Variants in PDE4D observed in about 807,000 individuals in gnomAD.
The protein encoded by PDE4D is phosphodiesterase 4D.
PDE4D carries 24 observed loss-of-function variants against 87.4 expected under a neutral mutation model. The observed-to-expected ratio is 0.27, with a 90% CI of 0.20 to 0.39. PDE4D has a LOEUF of 0.39. PDE4D is among the 10% of genes least tolerant of loss of function. The pLI is 1.00. For synonymous variants in PDE4D, 384 were observed against 383.2 expected, an observed-to-expected ratio of 1.00 and a Z score of -0.02; for missense variants, 714 against 1,041.0, an observed-to-expected ratio of 0.69 and a Z score of 4.32.
intron 1 of PDE4D, among the ~76,000 whole-genome samples, chr5:59,464,983 T>C (rs1801360893): frequency 6.6e-6 from 1 of 152,226 alleles, no homozygotes. Flanking sequence ...ATTTCGAGGA[T>C]TAAGAGCGGT....
rs572487918 is a variant in PDE4D at position 59,132,803 on chromosome 5, A to G, written c.808+47792T>C. 1.4e-4 allele frequency among the ~76,000 whole-genome samples: 21 copies of G among 152,340 alleles called. No individual in the cohort carries two copies. In the South Asian group the frequency reaches 4.4e-3, roughly 32 times the overall value. On this transcript the variant is annotated intron_variant, in intron 5 of 14. Coordinates refer to ENST00000340635, the MANE Select transcript of PDE4D (RefSeq NM_001104631.2). ...TAACCTGATGTCAACAAGATATACTAGAAATGTCCTTGTCAGTCCAAACCC... is the reference window on the plus strand; with the variant it reads ...TAACCTGATGTCAACAAGATATACTGGAAATGTCCTTGTCAGTCCAAACCC...
At chr5:60,024,746 G>C (rs1766443008) in intron 2 of PDE4D, among the ~76,000 whole-genome samples, 1 of 152,094 alleles carries the variant, frequency 6.6e-6, no homozygotes, top group African/African-American at 2.4e-5. Flanking sequence ...GCCTTATTTA[G>C]CTGTTCAGTG....
At chr5:59,444,710 G>A (rs1798105355) in intron 1 of PDE4D, among the ~76,000 whole-genome samples, 1 of 152,090 alleles carries the variant, frequency 6.6e-6, no homozygotes, top group South Asian at 2.1e-4. Flanking sequence ...TACTCCGGAG[G>A]CTGAGGCAGG....
chr5:60,449,059 C>T (rs114898170), intron 1 of PDE4D, among the ~76,000 whole-genome samples: 4,018 of 140,626 alleles, frequency 0.029, 90 homozygotes, highest in Middle Eastern at 0.09. Flanking sequence ...ACCCACCCCC[C>T]CAACTGCCCG....
In PDE4D at chr5:59,006,475, G is replaced by A. The variant is rs142563356; in HGVS notation, c.922-13010C>T. On this transcript the variant is annotated intron_variant, in intron 6 of 14. Transcript: ENST00000340635. ...CAGATACTACTGAGGTGGGAGGTGG[G>A]AGGTGCTGAGGTGGGAGGATGGCTT... is the stretch of plus-strand genomic sequence containing the variant. 1.5e-3 allele frequency among the ~76,000 whole-genome samples: 232 copies of A among 152,200 alleles called. 1 individual carries two copies. Among genetic ancestry groups the A allele is most frequent in the African/African-American group, 5.3e-3 (222 of 41,536 alleles).
At chr5:59,574,020 A>ATATAAATATATATTTATATATATT (rs1822372026) in intron 1 of PDE4D, among the ~76,000 whole-genome samples, 1 of 111,442 alleles carries the variant, frequency 9.0e-6, no homozygotes, top group African/African-American at 3.7e-5. Flanking sequence ...ATATATATAT[A>ATATAAATATATATTTATATATATT]TATATATAAA....
intron 1 of PDE4D, among the ~76,000 whole-genome samples, chr5:59,353,558 C>T (rs1780869118): frequency 6.6e-6 from 1 of 152,242 alleles, no homozygotes; most frequent in African/African-American, 2.4e-5. Flanking sequence ...AATTAGTACT[C>T]ATCTTTGTAA....
intron 2 of PDE4D, among the ~76,000 whole-genome samples, chr5:60,090,776 A>C (rs1487119024): frequency 6.6e-6 from 1 of 152,178 alleles, no homozygotes; most frequent in African/African-American, 2.4e-5. Context: ...ATTTAGGAAA[A>C]CCTAAAGACT....
rs375106877 is a variant in PDE4D, at chr5:59,857,077, C to A, written c.455+36091G>T. Among the ~76,000 whole-genome samples the A allele has an allele frequency of 2.0e-5, 3 of 152,226 alleles. No individual in the cohort carries two copies. In the East Asian group the frequency reaches 5.8e-4, roughly 29 times the overall value. ...CATCTGCCAGCTTCTAAATCTTATT[C>A]CCGAATTTAGATTCATGAAATGCCC... On this transcript the variant is annotated intron_variant, in intron 1 of 14. Transcript: ENST00000340635.
chr5:59,830,882 A>G (rs961523802), intron 1 of PDE4D, among the ~76,000 whole-genome samples: 3 of 152,076 alleles, frequency 2.0e-5, no homozygotes, highest in African/African-American at 4.8e-5. Flanking sequence ...TAATCCTTCA[A>G]AATAAAATTG....
At chr5:60,242,403 T>A (rs1232683711) in intron 1 of PDE4D, among the ~76,000 whole-genome samples, 1 of 152,092 alleles carries the variant, frequency 6.6e-6, no homozygotes, top group Non-Finnish European at 1.5e-5. Flanking sequence ...ACTTTCGTCA[T>A]AGGACAGATC....
At chr5:59,705,643 T>C (rs548863507) in intron 1 of PDE4D, among the ~76,000 whole-genome samples, 8 of 152,318 alleles carry the variant, frequency 5.3e-5, no homozygotes, top group African/African-American at 1.9e-4. Flanking sequence ...AAGAAGACCT[T>C]TCCTGCTAAT....
chr5:59,153,875 G>T (rs185545939), intron 5 of PDE4D, among the ~76,000 whole-genome samples: 4 of 152,202 alleles, frequency 2.6e-5, no homozygotes, highest in African/African-American at 9.6e-5. Flanking sequence ...GCCTGAGGAA[G>T]GGGACTGGGC....
chr5:60,037,325 G>GA (rs1440321338), intron 2 of PDE4D, among the ~76,000 whole-genome samples: 1 of 151,868 alleles, frequency 6.6e-6, no homozygotes, highest in Non-Finnish European at 1.5e-5. Flanking sequence ...CATTTCAATG[G>GA]AAAAAAGGAT....
At chr5:60,100,487 AT>A (rs928086857) in intron 2 of PDE4D, among the ~76,000 whole-genome samples, 3 of 152,024 alleles carry the variant, frequency 2.0e-5, no homozygotes, top group African/African-American at 7.2e-5. Flanking sequence ...CGGGAAGGAA[AT>A]AAGTGGATCT....
intron 3 of PDE4D, among the ~76,000 whole-genome samples, chr5:59,904,621 T>A (rs894131226): frequency 6.6e-6 from 1 of 152,140 alleles, no homozygotes; most frequent in East Asian, 1.9e-4. Flanking sequence ...ACCACAATTC[T>A]CCCTTAAGAT....
At chr5:60,419,052 C>T (rs1583692595) in intron 1 of PDE4D, among the ~76,000 whole-genome samples, 1 of 152,206 alleles carries the variant, frequency 6.6e-6, no homozygotes, top group African/African-American at 2.4e-5. Flanking sequence ...AGGCTACAGC[C>T]ACTAACACAG....
intron 5 of PDE4D, among the ~76,000 whole-genome samples, chr5:59,046,802 G>A (rs886365425): frequency 6.6e-6 from 1 of 152,156 alleles, no homozygotes. Context: ...AGAATAAGGA[G>A]GCCTTTTGTC....
intron 1 of PDE4D, among the ~76,000 whole-genome samples, chr5:59,779,594 T>G (rs1430236072): frequency 6.6e-6 from 1 of 152,248 alleles, no homozygotes; most frequent in Non-Finnish European, 1.5e-5. Flanking sequence ...ATATTACTGT[T>G]TTCTGAGGCT....
Sources: allele counts gnomAD v4.1 joint callset (sites outside exome capture counted in the v4.1 genomes callset), GRCh38; gene constraint gnomAD v4.1.1; transcripts MANE v1.5; gene names NCBI Gene and HGNC (gene_info 2026-07-23, HGNC 2026-07-21).